HECTD2: variants seen among roughly 807,000 people sequenced by gnomAD.
HECTD2 encodes the protein probable E3 ubiquitin-protein ligase HECTD2.
HECTD2 carries 35 observed loss-of-function variants against 103.2 expected under a neutral mutation model. The observed-to-expected ratio is 0.34, with a 90% CI of 0.26 to 0.45. The LOEUF (loss-of-function observed/expected upper bound fraction) is 0.45, where lower values mean the gene tolerates loss of function less well. Ranked by LOEUF, HECTD2 falls within the 20% of genes least tolerant of loss-of-function variation. HECTD2 has a pLI of 1.00. For synonymous variants in HECTD2, 281 were observed against 329.9 expected (o/e 0.85, Z 1.61); for missense variants, 596 against 937.4 (o/e 0.64, Z 4.76).
At chr10:91,424,127 A>C (rs1251299807) in intron 1 of HECTD2, among the ~76,000 whole-genome samples, 1 of 152,108 alleles carries the variant, frequency 6.6e-6, no homozygotes, top group Non-Finnish European at 1.5e-5. Flanking sequence ...TAACATGTCA[A>C]CTCAGCCTGG....
At chr10:91,494,408 G>T (rs556137768) in intron 14 of HECTD2, among the ~76,000 whole-genome samples, 2 of 152,138 alleles carry the variant, frequency 1.3e-5, no homozygotes, top group Admixed American at 6.5e-5. Flanking sequence ...AATAAAAAAG[G>T]CTAAATTGTG....
intron 2 of HECTD2, among the ~76,000 whole-genome samples, chr10:91,444,848 C>T (rs1256652736): frequency 6.6e-6 from 1 of 152,118 alleles, no homozygotes; most frequent in Non-Finnish European, 1.5e-5. Context: ...ATATATTTAT[C>T]AGTGAAAATC....
chr10:91,437,619 C>CTTTTTTTTTTTTTTTTTTTTGTTTTTTTT (rs59785873), intron 2 of HECTD2, among the ~76,000 whole-genome samples: 1 of 87,412 alleles, frequency 1.1e-5, no homozygotes, highest in Admixed American at 1.2e-4. Context: ...GATGGTTGTT[C>CTTTTTTTTTTTTTTTTTTTTGTTTTTTTT]TTTTTTTTTT....
At chr10:91,445,526 G>T (rs1305021444) in intron 2 of HECTD2, among the ~76,000 whole-genome samples, 1 of 152,124 alleles carries the variant, frequency 6.6e-6, no homozygotes, top group African/African-American at 2.4e-5. Flanking sequence ...TTTAACTTTA[G>T]ATAAGCAATT....
chr10:91,487,387 G>C lies in HECTD2; in HGVS notation c.1095-295G>C, dbSNP rs1476880064. The C allele has an allele frequency of 2.8e-6, 1 of 356,390 alleles. No homozygotes were observed. Among genetic ancestry groups the C allele is most frequent in the Non-Finnish European group, 5.4e-6 (1 of 185,192 alleles). The allele number at this position is 356,390 out of a possible 1,614,324, so 22.1% of individuals were successfully genotyped here. A position where few individuals can be genotyped will look rare whatever the true frequency, so the allele number is the denominator to read the frequency against. ...TCTGGTATTGGCCATGTTGTTCACA[G>C]GTGATGATATACAATGAAATTATTT... On this transcript the variant is annotated intron_variant, in intron 10 of 20. Coordinates refer to ENST00000298068, the MANE Select transcript of HECTD2 (RefSeq NM_182765.6). This position sits in a 1 kb window ranked among gnomAD's most constrained non-coding sequence, Gnocchi z 4.1.
intron 1 of HECTD2, among the ~76,000 whole-genome samples, chr10:91,412,074 T>C (rs1842932725): frequency 6.6e-6 from 1 of 152,226 alleles, no homozygotes; most frequent in South Asian, 2.1e-4. Flanking sequence ...CTTTGGGATT[T>C]CAAGTTTTTC....
In HECTD2 at chr10:91,425,146, CA is replaced by C. The variant is rs1163358687; in HGVS notation, c.139-132del. The C allele has an allele frequency of 4.4e-6, 3 of 677,058 alleles. No homozygotes were observed. The East Asian group carries it at 1.0e-4, about 23-fold the overall frequency. 41.9% of individuals were successfully genotyped at this position (677,058 alleles called of 1,614,324 possible). ...CAGTTAAGTCCTAGAAAAGGTAAGTCAAATTTATATACGTTTTTATCTATTA... is the reference window on the plus strand; with the variant it reads ...CAGTTAAGTCCTAGAAAAGGTAAGTCAATTTATATACGTTTTTATCTATTA... On this transcript the variant is annotated intron_variant, in intron 1 of 20. Transcript: ENST00000298068.
In HECTD2 at chr10:91,487,977, A is replaced by G. The variant is rs1272923696; in HGVS notation, c.1191+199A>G. The stretch of plus-strand genomic sequence containing the variant: ...AGATAACTCTCATCTCTTCTGATCA[A>G]CTTCTCATTATATTATAAATATAGT... On this transcript the variant is annotated intron_variant, in intron 11 of 20. Coordinates refer to ENST00000298068, the MANE Select transcript of HECTD2 (RefSeq NM_182765.6). This position sits in a 1 kb window ranked among gnomAD's most constrained non-coding sequence, Gnocchi z 4.1. 1.3e-5 allele frequency: 5 copies of G among 373,088 alleles called. No homozygotes were observed. The highest frequency in any genetic ancestry group is 4.1e-5 in the Admixed American group (1 of 24,216). 23.1% of individuals were successfully genotyped at this position (373,088 alleles called of 1,614,324 possible).
rs1847539028 is a variant in HECTD2 at position 91,514,508 on chromosome 10, A to G, written c.*2124A>G. ...ATTAATTTAAAAAGCTAGAAAATTC[A>G]TGTAGTTACTTTTTTTACATATATA... On this transcript the variant is annotated 3_prime_UTR_variant, in exon 21 of 21. Coordinates refer to ENST00000298068, the MANE Select transcript of HECTD2 (RefSeq NM_182765.6). 6.6e-6 allele frequency: 1 copy of G among 152,660 alleles called. No individual in the cohort carries two copies. The highest frequency in any genetic ancestry group is 2.1e-4 in the South Asian group (1 of 4,836). The allele number at this position is 152,660 out of a possible 1,614,324, so 9.5% of individuals were successfully genotyped here.
chr10:91,511,621 A>G (rs1482658217), intron 20 of HECTD2, among the ~76,000 whole-genome samples: 1 of 152,140 alleles, frequency 6.6e-6, no homozygotes, highest in African/African-American at 2.4e-5. Flanking sequence ...GTCATCAGGC[A>G]TTAGATTCTC....
intron 1 of HECTD2, among the ~76,000 whole-genome samples, chr10:91,421,457 A>G (rs1843355488): frequency 1.3e-5 from 2 of 152,268 alleles, no homozygotes; most frequent in African/African-American, 4.8e-5. Flanking sequence ...GTCTTGTGTC[A>G]CACATAAAAT....
In HECTD2 at chr10:91,410,387, A is replaced by C. The variant is rs1376309744; in HGVS notation, c.-52A>C. 2.7e-4 allele frequency: 338 copies of C among 1,253,360 alleles called. 2 individuals carry two copies. The highest frequency in any genetic ancestry group is 1.6e-3 in the South Asian group (77 of 47,884). The allele number at this position is 1,253,360 out of a possible 1,614,324, so 77.6% of individuals were successfully genotyped here. A position where few individuals can be genotyped will look rare whatever the true frequency, so the allele number is the denominator to read the frequency against. On this transcript the variant is annotated 5_prime_UTR_variant, in exon 1 of 21. Transcript: ENST00000298068. The stretch of plus-strand genomic sequence containing the variant: ...CGGCGGCAGCAGCAGCGCCAGCCCC[A>C]GCAACACTGAGGCCGCCGCCGCCGC...
intron 2 of HECTD2, among the ~76,000 whole-genome samples, chr10:91,444,712 A>G (rs915377193): frequency 2.0e-5 from 3 of 152,024 alleles, no homozygotes; most frequent in Admixed American, 1.3e-4. Flanking sequence ...GAGAAAATCA[A>G]TAACCATGGT....
chr10:91,503,874 C>A (rs1002126599), intron 20 of HECTD2, among the ~76,000 whole-genome samples: 1 of 152,212 alleles, frequency 6.6e-6, no homozygotes, highest in African/African-American at 2.4e-5. Context: ...CTTAAATGTC[C>A]CTGTCTGACA....
intron 2 of HECTD2, among the ~76,000 whole-genome samples, chr10:91,436,069 C>T (rs889278429): frequency 1.1e-4 from 17 of 151,546 alleles, no homozygotes; most frequent in Non-Finnish European, 2.4e-4. Flanking sequence ...TCTTTTATTC[C>T]TCTGAGAAAG....
At chr10:91,502,568 T>C (rs1023654624) in intron 20 of HECTD2, among the ~76,000 whole-genome samples, 1 of 152,182 alleles carries the variant, frequency 6.6e-6, no homozygotes, top group African/African-American at 2.4e-5. Context: ...ATAGTATTTA[T>C]GTCATCATCA....
chr10:91,437,619 C>CTTTTTTTTTTTTTTTTTTTTGTTTGTTT (rs59785873), intron 2 of HECTD2, among the ~76,000 whole-genome samples: 1 of 87,420 alleles, frequency 1.1e-5, no homozygotes, highest in Non-Finnish European at 2.7e-5. Context: ...GATGGTTGTT[C>CTTTTTTTTTTTTTTTTTTTTGTTTGTTT]TTTTTTTTTT....
At chr10:91,512,067 G>A (rs34718593) in intron 20 of HECTD2, among the ~76,000 whole-genome samples, 197 bp from the exon 21 acceptor site, 5,056 of 152,268 alleles carry the variant, frequency 0.033, 127 homozygotes, top group Middle Eastern at 0.065. Flanking sequence ...TGTAACCACA[G>A]CCTTAGTGTC....
intron 1 of HECTD2, among the ~76,000 whole-genome samples, chr10:91,414,796 C>G (rs1291604828): frequency 6.6e-6 from 1 of 152,080 alleles, no homozygotes. Flanking sequence ...TAAAGCGAGC[C>G]CAGTGGAAGC....
Sources: gnomAD v4.1 joint callset for allele counts (sites outside exome capture counted in the v4.1 genomes callset) on GRCh38, gnomAD v4.1.1 for gene constraint, Gnocchi (gnomAD v3.1) non-coding constraint, MANE v1.5 for transcripts, NCBI Gene and HGNC (gene_info 2026-07-23, HGNC 2026-07-21) for gene names.